WHRN: variants seen among roughly 807,000 people sequenced by gnomAD.
WHRN encodes the protein CASK-interacting protein CIP98.
Under a neutral mutation model 68.3 loss-of-function variants are expected in WHRN, and 41 were observed. The observed-to-expected ratio is 0.60, with a 90% CI of 0.47 to 0.78. The LOEUF (loss-of-function observed/expected upper bound fraction) is 0.78, where lower values mean the gene tolerates loss of function less well. WHRN is among the 30% of genes least tolerant of loss of function. WHRN has a pLI of 0.00. For missense variants in WHRN, 1,243 were observed against 1,244.7 expected (o/e 1.00, Z 0.02); for synonymous variants, 560 against 561.3 (o/e 1.00, Z 0.03).
intron 2 of WHRN, among the ~76,000 whole-genome samples, chr9:114,470,805 A>T (rs1841148889): frequency 6.6e-6 from 1 of 152,082 alleles, no homozygotes; most frequent in African/African-American, 2.4e-5. Flanking sequence ...GGTGACCTGC[A>T]GTCAGTCCCC....
At chr9:114,465,722 G>A (rs1167186536) in intron 3 of WHRN, among the ~76,000 whole-genome samples, 1 of 152,106 alleles carries the variant, frequency 6.6e-6, no homozygotes, top group African/African-American at 2.4e-5. Flanking sequence ...GTGTGGCCTG[G>A]GACAAGTCAG....
intron 3 of WHRN, among the ~76,000 whole-genome samples, chr9:114,459,885 C>T (rs982363543): frequency 1.3e-5 from 2 of 152,170 alleles, no homozygotes; most frequent in African/African-American, 2.4e-5. Flanking sequence ...TTGTCCCCTC[C>T]GAATCTCATG....
chr9:114,473,006 C>G (rs900409438), intron 2 of WHRN, among the ~76,000 whole-genome samples: 1 of 152,240 alleles, frequency 6.6e-6, no homozygotes, highest in South Asian at 2.1e-4. Flanking sequence ...CCCAAAGCCC[C>G]TGCTCCTTGT....
intron 3 of WHRN, among the ~76,000 whole-genome samples, chr9:114,463,389 C>G (rs925318665): frequency 4.6e-5 from 7 of 152,198 alleles, no homozygotes; most frequent in African/African-American, 1.7e-4. Context: ...AAAATCTTTA[C>G]TCTGTGTTTA....
In WHRN at chr9:114,402,428, A is replaced by AG. The variant is rs886063369; in HGVS notation, c.*325dup. Reference sequence around the variant, plus strand: ...TGGGGATGGGCTGGGTCCTAGCTGGAGGGGGGACAGCAGTGCCCCCAACCC... The same window carrying AG: ...TGGGGATGGGCTGGGTCCTAGCTGGAGGGGGGGACAGCAGTGCCCCCAACCC... On this transcript the variant is annotated 3_prime_UTR_variant, in exon 12 of 12. Transcript: ENST00000362057. 60 of 397,384 alleles carry AG rather than the reference A, an allele frequency of 1.5e-4. No individual in the cohort carries two copies. The highest frequency in any genetic ancestry group is 3.8e-5 in the Non-Finnish European group (8 of 210,274). The allele number at this position is 397,384 out of a possible 1,614,324, so 24.6% of individuals were successfully genotyped here.
intron 1 of WHRN, among the ~76,000 whole-genome samples, chr9:114,502,904 G>A (rs1216306078): frequency 6.6e-6 from 1 of 152,192 alleles, no homozygotes; most frequent in Non-Finnish European, 1.5e-5. Flanking sequence ...GATAGAGGGG[G>A]AAGAGGAATT....
chr9:114,409,699 G>A (rs905801224), intron 7 of WHRN, among the ~76,000 whole-genome samples: 5 of 151,502 alleles, frequency 3.3e-5, no homozygotes, highest in South Asian at 2.1e-4. Context: ...CTCTGTCTGC[G>A]ACTCTTCTGC....
At chr9:114,405,950 G>A (rs1232564681) in intron 9 of WHRN, among the ~76,000 whole-genome samples, 1 of 152,222 alleles carries the variant, frequency 6.6e-6, no homozygotes, top group Non-Finnish European at 1.5e-5. Flanking sequence ...TCCAGAGACT[G>A]CCACTTCAGT....
At chr9:114,482,611 A>G (rs1374626041) in intron 1 of WHRN, among the ~76,000 whole-genome samples, 1 of 149,650 alleles carries the variant, frequency 6.7e-6, no homozygotes, top group Non-Finnish European at 1.5e-5. Flanking sequence ...GGCAGAGCCC[A>G]CTCCCCTCCC....
intron 3 of WHRN, among the ~76,000 whole-genome samples, chr9:114,431,451 C>G (rs1564146242): frequency 6.6e-6 from 1 of 152,190 alleles, no homozygotes; most frequent in African/African-American, 2.4e-5. Context: ...AGCCTTTGAG[C>G]CTAATCTTCT....
chr9:114,447,735 T>C (rs1056701094), intron 3 of WHRN, among the ~76,000 whole-genome samples: 1 of 145,362 alleles, frequency 6.9e-6, no homozygotes, highest in Non-Finnish European at 1.5e-5. Context: ...TCTCTCTCTG[T>C]CACTCACTTT....
Position 114,504,459 on chromosome 9 carries a change from A to G in WHRN, c.343T>C (p.Tyr115His), listed in dbSNP as rs375863898. Reference sequence around the variant, plus strand: ...CTGTAGGGGGTGGTGGCGGGCAGGTAGAGGCCCTCGGCCGTGTATTGGTCG... The same window carrying G: ...CTGTAGGGGGTGGTGGCGGGCAGGTGGAGGCCCTCGGCCGTGTATTGGTCG... Reference protein sequence around the residue: ...LFDQYTAEGLYLPATTPYRQP... With the variant: ...LFDQYTAEGLHLPATTPYRQP... The change falls in exon 1 of 12, where the codon TAC (tyrosine) becomes CAC (histidine). Residue 115 changes from tyrosine (Y) to histidine (H), a missense_variant. Tyr to His is a moderately conservative substitution (Grantham distance 83). Coordinates refer to ENST00000362057, the MANE Select transcript of WHRN (RefSeq NM_015404.4). 17 of 1,607,668 alleles carry G rather than the reference A, an allele frequency of 1.1e-5. No individual in the cohort carries two copies. Among genetic ancestry groups the G allele is most frequent in the Non-Finnish European group, 1.4e-5 (16 of 1,179,756 alleles).
chr9:114,406,699 G>C lies in WHRN; in HGVS notation c.1892C>G (p.Ala631Gly). Residue 631 changes from alanine to glycine, a missense_variant, in exon 9 of 12, where the codon GCG becomes GGG. Coordinates refer to ENST00000362057, the MANE Select transcript of WHRN (RefSeq NM_015404.4). ...FSAPQNRSPP[A>G]GTAPTPGTSS... ...GGTCCCTGGGGTGGGTGCGGTGCCC[G>C]CTGGCGGGCTGCGGTTCTGTGGAGC... 2 of 1,614,044 alleles carry C rather than the reference G, an allele frequency of 1.2e-6. 1 individual carries two copies. Among genetic ancestry groups the C allele is most frequent in the South Asian group, 2.2e-5 (2 of 91,082 alleles).
intron 3 of WHRN, among the ~76,000 whole-genome samples, chr9:114,461,744 G>A (rs1016987683): frequency 1.3e-5 from 2 of 152,156 alleles, no homozygotes; most frequent in African/African-American, 4.8e-5. Context: ...CCTCCTCCAG[G>A]AAGTCTTCCC....
chr9:114,470,547 G>A (rs970167547), intron 2 of WHRN, among the ~76,000 whole-genome samples: 2 of 152,176 alleles, frequency 1.3e-5, no homozygotes, highest in Non-Finnish European at 1.5e-5. Flanking sequence ...AAGCAGGAGA[G>A]GGGTGACTTT....
At chr9:114,414,894 T>C (rs1835698873) in intron 7 of WHRN, among the ~76,000 whole-genome samples, 1 of 152,140 alleles carries the variant, frequency 6.6e-6, no homozygotes, top group African/African-American at 2.4e-5. Flanking sequence ...AGCAGCTTCC[T>C]GGGGTGGGGG....
Position 114,404,078 on chromosome 9 carries a change from C to T in WHRN, c.2237-1G>A, listed in dbSNP as rs1446020425. ...GAGAGCTGGGAGAGCGTAGAGGCTG[C>T]TGGAGAGGGGAAAAGGAAGAGAGAA... On this transcript the variant is annotated splice_acceptor_variant, in intron 9 of 11. Coordinates refer to ENST00000362057, the MANE Select transcript of WHRN (RefSeq NM_015404.4). LOFTEE classifies it high-confidence loss of function. The T allele has an allele frequency of 1.2e-6, 2 of 1,612,454 alleles. No homozygotes were observed. The highest frequency in any genetic ancestry group is 1.3e-5 in the African/African-American group (1 of 74,944).
At chr9:114,450,852 G>A (rs1482912704) in intron 3 of WHRN, among the ~76,000 whole-genome samples, 1 of 150,072 alleles carries the variant, frequency 6.7e-6, no homozygotes, top group Non-Finnish European at 1.5e-5. Flanking sequence ...AATACTTTCT[G>A]CTGAGATACA....
chr9:114,447,650 A>G (rs1246510532), intron 3 of WHRN, among the ~76,000 whole-genome samples: 1 of 152,188 alleles, frequency 6.6e-6, no homozygotes, highest in Non-Finnish European at 1.5e-5. Context: ...GTCCTCCACT[A>G]AAACTCATGC....
Sources: gnomAD v4.1 joint callset for allele counts (sites outside exome capture counted in the v4.1 genomes callset) on GRCh38, gnomAD v4.1.1 for gene constraint, MANE v1.5 for transcripts, NCBI Gene and HGNC (gene_info 2026-07-23, HGNC 2026-07-21) for gene names.